Variants in FRMPD3 observed in about 807,000 individuals in gnomAD.
FRMPD3 encodes FERM and PDZ domain-containing protein 3.
A neutral mutation model predicts 97.9 loss-of-function variants in FRMPD3; 42 were observed. The ratio of observed to expected loss-of-function variants is 0.43; its 90% confidence interval spans 0.34 to 0.55. The LOEUF (loss-of-function observed/expected upper bound fraction) is 0.55, where lower values mean the gene tolerates loss of function less well. FRMPD3 is among the 20% of genes least tolerant of loss of function. FRMPD3 has a pLI of 0.03. For synonymous variants in FRMPD3, 577 were observed against 581.1 expected (o/e 0.99, Z 0.10); for missense variants, 1,303 against 1,457.7 (o/e 0.89, Z 1.73).
intron 1 of FRMPD3, among the ~76,000 whole-genome samples, chrX:107,467,752 CA>C (rs1402329090): frequency 6.3e-5 from 7 of 110,993 alleles, no homozygotes; most frequent in African/African-American, 2.0e-4. Flanking sequence ...CTGAGGCCTG[CA>C]GTATTATTCC....
intron 13 of FRMPD3, among the ~76,000 whole-genome samples, chrX:107,577,019 C>G (rs953006428): frequency 2.7e-5 from 3 of 109,150 alleles, no homozygotes; most frequent in African/African-American, 1.0e-4. Context: ...AACCCACTTG[C>G]CCTTGCTGCT....
At chrX:107,541,566 G>T (rs1317090395) in intron 4 of FRMPD3, among the ~76,000 whole-genome samples, 1 of 112,491 alleles carries the variant, frequency 8.9e-6, no homozygotes, top group Admixed American at 9.4e-5. Flanking sequence ...CTCCTTTGTG[G>T]TTTGTGCCTA....
At chrX:107,525,780 A>C (rs1922669207) in intron 1 of FRMPD3, 1 of 471,047 alleles carries the variant, frequency 2.1e-6, no homozygotes. Context: ...CAAGTTTAAA[A>C]TTGCATCAAG....
At position 107,603,307 on chromosome X, in the gene FRMPD3, A is replaced by T; in HGVS notation, c.5268A>T (p.Pro1756=). The T allele has an allele frequency of 8.9e-7, 1 of 1,127,190 alleles. No individual in the cohort carries two copies. Among genetic ancestry groups the T allele is most frequent in the South Asian group, 2.0e-5 (1 of 49,812 alleles). 92.9% of individuals were successfully genotyped at this position (1,127,190 alleles called of 1,213,427 possible). Residue 1756 remains proline (P), a synonymous_variant, in exon 15 of 15, where the codon CCA becomes CCT. Transcript: ENST00000683843. ...AAAGAATEHP[P]GSPTSATVMS... ...CAGGGGCAGCCACAGAGCATCCACC[A>T]GGCTCCCCAACTTCGGCGACTGTTA...
chrX:107,467,347 G>A (rs1461896378), intron 1 of FRMPD3, among the ~76,000 whole-genome samples: 1 of 109,298 alleles, frequency 9.1e-6, no homozygotes. Context: ...GGTGGCCTCC[G>A]AGGACTGACT....
Position 107,470,748 on chromosome X carries a change from G to C in FRMPD3, c.-8+20743G>C, listed in dbSNP as rs372981885. On this transcript the variant is annotated intron_variant, in intron 1 of 14. Transcript: ENST00000683843. ...ACAGATGGATAAGTATTGATGGTAG[G>C]AGGTAAAAGAAAAGGCCCTAGTGAA... 1.5e-4 allele frequency among the ~76,000 whole-genome samples: 17 copies of C among 112,298 alleles called. No individual in the cohort carries two copies. The East Asian group carries it at 4.2e-3, about 28-fold the overall frequency.
At position 107,603,440 on chromosome X, in the gene FRMPD3, A is replaced by G. The variant is rs762271498; in HGVS notation, c.*67A>G. 195 of 1,109,606 alleles carry G rather than the reference A, an allele frequency of 1.8e-4. No homozygotes were observed. The highest frequency in any genetic ancestry group is 2.2e-4 in the Non-Finnish European group (187 of 845,418). 91.4% of individuals were successfully genotyped at this position (1,109,606 alleles called of 1,213,427 possible). A position where few individuals can be genotyped will look rare whatever the true frequency, so the allele number is the denominator to read the frequency against. ...CAGGTTTGAGCTTTGTGGTCCTTGC[A>G]TCTTGTGGTGAGTGTGTGTGTGTCT... On this transcript the variant is annotated 3_prime_UTR_variant, in exon 15 of 15. Coordinates refer to ENST00000683843, the MANE Select transcript of FRMPD3 (RefSeq NM_001388459.1).
At chrX:107,516,537 G>A (rs1350261049) in intron 1 of FRMPD3, among the ~76,000 whole-genome samples, 3 of 111,393 alleles carry the variant, frequency 2.7e-5, no homozygotes, top group African/African-American at 9.9e-5. Context: ...TCCAGCACCT[G>A]TTGTTTCCTG....
intron 12 of FRMPD3, among the ~76,000 whole-genome samples, chrX:107,567,778 A>C (rs1289540286): frequency 9.0e-6 from 1 of 111,185 alleles, no homozygotes; most frequent in African/African-American, 3.3e-5. Flanking sequence ...CAGAGGGGTG[A>C]TCAAATAAAA....
intron 8 of FRMPD3, chrX:107,554,894 T>G (rs914497640): frequency 6.2e-6 from 1 of 161,582 alleles, no homozygotes; most frequent in African/African-American, 3.0e-5. Context: ...ACTAGACACT[T>G]ACTCTGGGTT....
intron 4 of FRMPD3, among the ~76,000 whole-genome samples, chrX:107,534,802 C>T: frequency 8.9e-6 from 1 of 112,055 alleles, no homozygotes; most frequent in Non-Finnish European, 1.9e-5. Flanking sequence ...CATACACTCA[C>T]CCACTCATAC....
chrX:107,522,074 G>A (rs1300465616), intron 1 of FRMPD3, among the ~76,000 whole-genome samples: 1 of 111,674 alleles, frequency 9.0e-6, no homozygotes, highest in East Asian at 2.8e-4. Context: ...TCTAGAGGGA[G>A]CCAGGTTGTC....
intron 8 of FRMPD3, among the ~76,000 whole-genome samples, chrX:107,558,495 A>ATACAAT (rs1205373523): frequency 9.0e-6 from 1 of 110,931 alleles, no homozygotes; most frequent in South Asian, 3.8e-4. Context: ...AAGAATAGAA[A>ATACAAT]TACAATTGAT....
chrX:107,580,424 A>G (rs1017254776), intron 13 of FRMPD3, among the ~76,000 whole-genome samples: 17 of 112,004 alleles, frequency 1.5e-4, no homozygotes, highest in African/African-American at 5.2e-4. Context: ...TCATGGTACC[A>G]AGTGGTGGAC....
At chrX:107,471,255 CCCTTCCTT>C (rs747812403) in intron 1 of FRMPD3, among the ~76,000 whole-genome samples, 2 of 108,449 alleles carry the variant, frequency 1.8e-5, no homozygotes, top group Non-Finnish European at 3.8e-5. Flanking sequence ...CCTCTTCTTT[CCCTTCCTT>C]CCTTCCTTCC....
At chrX:107,536,368 A>G (rs1008552402) in intron 4 of FRMPD3, among the ~76,000 whole-genome samples, 16 of 111,267 alleles carry the variant, frequency 1.4e-4, no homozygotes, top group Non-Finnish European at 2.3e-4. Flanking sequence ...AAAAACAAGC[A>G]AAAATAATAT....
chrX:107,513,752 A>C (rs747781357), intron 1 of FRMPD3, among the ~76,000 whole-genome samples: 2 of 112,451 alleles, frequency 1.8e-5, no homozygotes, highest in Admixed American at 9.4e-5. Context: ...GAGGATTCTA[A>C]TCTGTATGCC....
chrX:107,543,155 AC>A (rs1921397850), intron 4 of FRMPD3, among the ~76,000 whole-genome samples: 2 of 111,162 alleles, frequency 1.8e-5, no homozygotes, highest in African/African-American at 3.3e-5. Context: ...GCCCTTCTAC[AC>A]TCTGTTTTCC....
At chrX:107,583,854 T>G (rs1420262382) in intron 13 of FRMPD3, among the ~76,000 whole-genome samples, 2 of 109,702 alleles carry the variant, frequency 1.8e-5, no homozygotes, top group South Asian at 3.9e-4. Context: ...GTTGAGCATT[T>G]TTTTCTTTTT....
Sources: gnomAD v4.1 joint callset for allele counts (sites outside exome capture counted in the v4.1 genomes callset) on GRCh38, gnomAD v4.1.1 for gene constraint, MANE v1.5 for transcripts, NCBI Gene and HGNC (gene_info 2026-07-23, HGNC 2026-07-21) for gene names.